STAG1: variants seen among roughly 807,000 people sequenced by gnomAD.
The protein encoded by STAG1 is STAG1 cohesin complex component.
STAG1 carries 26 observed loss-of-function variants against 170.9 expected under a neutral mutation model. That is an observed-to-expected ratio of 0.15 (90% CI 0.11 to 0.21). STAG1 has a LOEUF of 0.21. STAG1 is among the 10% of genes least tolerant of loss of function. The pLI, the probability that STAG1 is intolerant of heterozygous loss-of-function variation, is 1.00. For synonymous variants in STAG1, 514 were observed against 497.7 expected (o/e 1.03, Z -0.44); for missense variants, 964 against 1,509.5 (o/e 0.64, Z 5.99).
At chr3:136,424,470 G>A (rs1220690372) in intron 16 of STAG1, among the ~76,000 whole-genome samples, 1 of 151,952 alleles carries the variant, frequency 6.6e-6, no homozygotes, top group Admixed American at 6.6e-5. Context: ...AAGTAGCTGG[G>A]ACTACAGGTG....
intron 3 of STAG1, among the ~76,000 whole-genome samples, chr3:136,610,529 T>TCA (rs1939220597): frequency 6.6e-6 from 1 of 152,196 alleles, no homozygotes; most frequent in African/African-American, 2.4e-5. Context: ...ATTGGAGAAG[T>TCA]GTATTTAACA....
chr3:136,597,829 C>G (rs767088054), intron 4 of STAG1, among the ~76,000 whole-genome samples: 22 of 150,798 alleles, frequency 1.5e-4, no homozygotes, highest in Non-Finnish European at 2.5e-4. Context: ...TGTTCCAGTA[C>G]TGAACAGCAG....
chr3:136,413,411 A>T (rs1437792115), intron 21 of STAG1, among the ~76,000 whole-genome samples: 1 of 150,912 alleles, frequency 6.6e-6, no homozygotes, highest in African/African-American at 2.4e-5. Context: ...AATTTATTTT[A>T]AAAAATTATT....
At chr3:136,663,263 C>A (rs1941638583) in intron 1 of STAG1, among the ~76,000 whole-genome samples, 1 of 151,862 alleles carries the variant, frequency 6.6e-6, no homozygotes, top group East Asian at 1.9e-4. Flanking sequence ...TTAATATAAG[C>A]CAGGAACTGT....
intron 14 of STAG1, among the ~76,000 whole-genome samples, chr3:136,447,199 G>A (rs1440884183): frequency 2.0e-5 from 3 of 151,954 alleles, no homozygotes; most frequent in Non-Finnish European, 2.9e-5. Context: ...TAAGAAGGGT[G>A]ACTGGCTGGG....
intron 9 of STAG1, among the ~76,000 whole-genome samples, chr3:136,498,257 C>CACACACATATACAT (rs1559841901): frequency 8.4e-5 from 7 of 83,676 alleles, no homozygotes; most frequent in African/African-American, 2.5e-4. Context: ...CATACACACA[C>CACACACATATACAT]ACACACACAC....
At chr3:136,476,836 A>G (rs991198561) in intron 10 of STAG1, among the ~76,000 whole-genome samples, 1 of 152,192 alleles carries the variant, frequency 6.6e-6, no homozygotes, top group Non-Finnish European at 1.5e-5. Context: ...GATTCCTTTT[A>G]AAGTCAGAAG....
chr3:136,485,176 G>T lies in STAG1; in HGVS notation c.903-7764C>A, dbSNP rs377642494. ...ATACAGTATAAAAAGTAGCTCTACT[G>T]GCCAGGCACAGTGGCTCACGCCTGT... is the stretch of plus-strand genomic sequence containing the variant. On this transcript the variant is annotated intron_variant, in intron 9 of 33. Transcript: ENST00000383202. Among the ~76,000 whole-genome samples, 8 of 152,228 alleles carry T rather than the reference G, an allele frequency of 5.3e-5. No individual in the cohort carries two copies. In the South Asian group the frequency reaches 1.7e-3, roughly 32 times the overall value.
intron 1 of STAG1, among the ~76,000 whole-genome samples, chr3:136,660,308 C>T (rs1193285988): frequency 6.6e-6 from 1 of 152,044 alleles, no homozygotes; most frequent in Non-Finnish European, 1.5e-5. Context: ...AAACTTGTCT[C>T]TGCAAAATAA....
intron 4 of STAG1, among the ~76,000 whole-genome samples, chr3:136,582,529 T>C (rs1937612183): frequency 6.6e-6 from 1 of 152,240 alleles, no homozygotes; most frequent in South Asian, 2.1e-4. Context: ...CTGGGCACGG[T>C]GGCTCACGCC....
At chr3:136,630,510 A>T (rs1940292393) in intron 2 of STAG1, among the ~76,000 whole-genome samples, 1 of 152,252 alleles carries the variant, frequency 6.6e-6, no homozygotes. Context: ...CACAACTTGT[A>T]ATACAAAGTA....
chr3:136,451,977 C>T (rs2088955774), intron 14 of STAG1, 56 bp downstream of exon 14: 4 of 1,129,210 alleles, frequency 3.5e-6, no homozygotes, highest in Admixed American at 4.8e-5. Flanking sequence ...AATGAATTGA[C>T]ATTTAAAATG....
intron 1 of STAG1, among the ~76,000 whole-genome samples, chr3:136,735,434 G>A (rs1166619043): frequency 1.3e-5 from 2 of 150,544 alleles, no homozygotes; most frequent in East Asian, 4.0e-4. Context: ...CCTTGCCTCT[G>A]CATTTTTTTT....
chr3:136,429,227 C>T (rs1208465672), intron 16 of STAG1, among the ~76,000 whole-genome samples: 3 of 152,034 alleles, frequency 2.0e-5, no homozygotes, highest in Non-Finnish European at 2.9e-5. Flanking sequence ...GCCAACGTGG[C>T]GAAACCCTGT....
intron 6 of STAG1, among the ~76,000 whole-genome samples, chr3:136,530,099 A>C (rs924167443): frequency 3.3e-5 from 5 of 152,236 alleles, no homozygotes; most frequent in African/African-American, 9.6e-5. Flanking sequence ...ACTTATGATG[A>C]GTGAAACAAA....
intron 4 of STAG1, among the ~76,000 whole-genome samples, chr3:136,597,988 AC>A (rs2107800455): frequency 6.6e-6 from 1 of 152,248 alleles, no homozygotes; most frequent in South Asian, 2.1e-4. Flanking sequence ...GTTTATAAAA[AC>A]TATTAGCTAT....
At chr3:136,415,000 G>C (rs2087732912) in intron 21 of STAG1, among the ~76,000 whole-genome samples, 1 of 152,110 alleles carries the variant, frequency 6.6e-6, no homozygotes, top group Non-Finnish European at 1.5e-5. Context: ...TCTTATGTGG[G>C]TACAGTTCAT....
At chr3:136,509,121 C>G (rs1160561634) in intron 7 of STAG1, among the ~76,000 whole-genome samples, 5 of 152,216 alleles carry the variant, frequency 3.3e-5, no homozygotes, top group Non-Finnish European at 7.3e-5. Flanking sequence ...AGTACAAGTA[C>G]AAGCATTGGC....
intron 9 of STAG1, among the ~76,000 whole-genome samples, chr3:136,484,820 G>A (rs948129816): frequency 2.4e-4 from 36 of 151,422 alleles, no homozygotes; most frequent in African/African-American, 8.5e-4. Flanking sequence ...CGCAATATTC[G>A]GGTGGGAGTG....
Sources: allele counts gnomAD v4.1 joint callset (sites outside exome capture counted in the v4.1 genomes callset), GRCh38; gene constraint gnomAD v4.1.1; transcripts MANE v1.5; gene names NCBI Gene and HGNC (gene_info 2026-07-23, HGNC 2026-07-21).